The following GAPVD1 variants were observed in gnomAD, a reference collection of about 807,000 sequenced individuals.
GAPVD1 encodes the protein GTPase activating protein and VPS9 domains 1, also known as GTPase-activating protein and VPS9 domain-containing protein 1.
In GAPVD1, 35 loss-of-function variants were observed where a neutral mutation model predicts 155.5. The ratio of observed to expected loss-of-function variants is 0.23; its 90% confidence interval spans 0.17 to 0.30. The LOEUF is 0.30. Among genes scored for constraint, GAPVD1 ranks in the 10% least tolerant of loss-of-function variants. The pLI, the probability that GAPVD1 is intolerant of heterozygous loss-of-function variation, is 1.00. For missense variants in GAPVD1, 1,429 were observed against 1,775.7 expected (o/e 0.80, Z 3.51); for synonymous variants, 636 against 619.7 (o/e 1.03, Z -0.39).
chr9:125,345,179 CTT>C (rs763783005), intron 19 of GAPVD1, among the ~76,000 whole-genome samples: 4 of 143,852 alleles, frequency 2.8e-5, no homozygotes, highest in Admixed American at 7.0e-5. Context: ...TTCTCTCTCT[CTT>C]TTTTTTTTTT....
At chr9:125,349,716 TC>T (rs34277894) in intron 21 of GAPVD1, among the ~76,000 whole-genome samples, 197 bp downstream of exon 21, 1,731 of 152,208 alleles carry the variant, frequency 0.011, 28 homozygotes, top group African/African-American at 0.04. Flanking sequence ...TTTAAAAAAC[TC>T]GCTGGGCGTG....
chr9:125,287,984 C>CCTGT (rs1837983734), intron 2 of GAPVD1: 1 of 152,124 alleles, frequency 6.6e-6, no homozygotes, highest in Admixed American at 6.6e-5. Context: ...AAGTGATCCG[C>CCTGT]CTGTCTTGGC....
intron 14 of GAPVD1, 99 bp from the exon 15 acceptor site, chr9:125,332,411 C>A: frequency 1.0e-6 from 1 of 984,096 alleles, no homozygotes; most frequent in Non-Finnish European, 1.5e-6. Context: ...AACTGGGACA[C>A]AAAATTCGAG....
At chr9:125,321,340 A>T in intron 9 of GAPVD1, 93 bp from the exon 10 acceptor site, 1 of 821,390 alleles carries the variant, frequency 1.2e-6, no homozygotes, top group Non-Finnish European at 2.0e-6. Context: ...TTGATAATTT[A>T]AGATTAAGGA....
At chr9:125,263,647 G>T in intron 1 of GAPVD1, 1 of 1,047,402 alleles carries the variant, frequency 9.5e-7, no homozygotes, top group Non-Finnish European at 1.5e-6. Flanking sequence ...TGCTGACCCA[G>T]CCCCAGCCTC....
intron 2 of GAPVD1, among the ~76,000 whole-genome samples, chr9:125,275,836 G>A (rs775655712): frequency 1.4e-4 from 22 of 152,136 alleles, no homozygotes; most frequent in Non-Finnish European, 2.9e-4. Flanking sequence ...AAAAGTCAAG[G>A]TTTTTGAATT....
intron 23 of GAPVD1, among the ~76,000 whole-genome samples, chr9:125,354,337 G>A (rs905204479): frequency 6.6e-6 from 1 of 152,132 alleles, no homozygotes; most frequent in Non-Finnish European, 1.5e-5. Context: ...TATAGCTCCA[G>A]TATAAAATAC....
chr9:125,348,087 T>A (rs1481899619), intron 20 of GAPVD1, among the ~76,000 whole-genome samples: 1 of 152,142 alleles, frequency 6.6e-6, no homozygotes, highest in Admixed American at 6.5e-5. Flanking sequence ...AGTCTCACTA[T>A]GTCACCCAGG....
At chr9:125,309,988 A>G (rs1482806934) in intron 8 of GAPVD1, 4 of 466,858 alleles carry the variant, frequency 8.6e-6, no homozygotes, top group East Asian at 7.0e-5. Context: ...TACCTCTCAT[A>G]TTACAGTAGT....
chr9:125,329,518 G>A (rs779088887), intron 12 of GAPVD1, among the ~76,000 whole-genome samples: 1 of 152,184 alleles, frequency 6.6e-6, no homozygotes, highest in East Asian at 1.9e-4. Flanking sequence ...GAGGAAACTG[G>A]TGAAAAGGGT....
chr9:125,353,064 G>A (rs564701241), intron 23 of GAPVD1, among the ~76,000 whole-genome samples: 5 of 151,662 alleles, frequency 3.3e-5, no homozygotes, highest in South Asian at 2.1e-4. Flanking sequence ...CTGAGATCAC[G>A]CCACTGCACT....
chr9:125,354,771 A>C lies in GAPVD1; in HGVS notation c.3687A>C (p.Arg1229=), dbSNP rs764122371. 6.2e-7 allele frequency: 1 copy of C among 1,613,798 alleles called. No homozygotes were observed. Among genetic ancestry groups the C allele is most frequent in the African/African-American group, 1.3e-5 (1 of 74,938 alleles). ...RVLRDKEVAN[R]YFTTVCVRLL... is the part of the protein sequence containing the mutation. Reference sequence around the variant, plus strand: ...TGCGGGACAAAGAAGTGGCCAATCGATACTTTACCACTGTCTGTGTGAGAT... The same window carrying C: ...TGCGGGACAAAGAAGTGGCCAATCGCTACTTTACCACTGTCTGTGTGAGAT... Residue 1229 remains arginine, a synonymous_variant, in exon 24 of 28, where the codon CGA becomes CGC. Transcript: ENST00000297933.
At chr9:125,315,521 G>C (rs1843292349) in intron 9 of GAPVD1, among the ~76,000 whole-genome samples, 1 of 152,134 alleles carries the variant, frequency 6.6e-6, no homozygotes, top group Admixed American at 6.6e-5. Flanking sequence ...AAAGCAGCAT[G>C]GTTGTGTATT....
At chr9:125,324,884 C>T (rs988373325) in intron 11 of GAPVD1, among the ~76,000 whole-genome samples, 3 of 152,030 alleles carry the variant, frequency 2.0e-5, no homozygotes, top group Non-Finnish European at 4.4e-5. Context: ...AAGTGAGGTG[C>T]CTTAGGAAGA....
intron 23 of GAPVD1, among the ~76,000 whole-genome samples, chr9:125,351,771 G>A (rs894450981): frequency 6.7e-6 from 1 of 149,390 alleles, no homozygotes; most frequent in African/African-American, 2.5e-5. Flanking sequence ...ATGGAATTTC[G>A]CTCTTGTTGC....
At chr9:125,339,093 C>T (rs1374424318) in intron 17 of GAPVD1, among the ~76,000 whole-genome samples, 1 of 152,086 alleles carries the variant, frequency 6.6e-6, no homozygotes, top group African/African-American at 2.4e-5. Context: ...GCAATCCTCC[C>T]GCTTTGGCCT....
At chr9:125,306,214 A>G (rs1841773348) in intron 6 of GAPVD1, among the ~76,000 whole-genome samples, 2 of 151,712 alleles carry the variant, frequency 1.3e-5, no homozygotes, top group South Asian at 4.2e-4. Flanking sequence ...CCCAGGCTGG[A>G]GTGCAGTGGC....
chr9:125,350,401 G>A lies in GAPVD1; in HGVS notation c.3406G>A (p.Glu1136Lys). The A allele has an allele frequency of 6.3e-7, 1 of 1,585,050 alleles. No individual in the cohort carries two copies. The highest frequency in any genetic ancestry group is 8.7e-7 in the Non-Finnish European group (1 of 1,153,814). Residue 1136 changes from glutamate to lysine, a missense_variant, in exon 22 of 28, where the codon GAA becomes AAA. Glu to Lys is a moderately conservative substitution (Grantham distance 56). Coordinates refer to ENST00000297933, the MANE Select transcript of GAPVD1 (RefSeq NM_001282680.3). ...TGGTTTACCAGACCACACAGACCCA[G>A]AAGGTAAATTGCTGCAGGATCGTTT... is the stretch of plus-strand genomic sequence containing the variant. The part of the protein sequence containing the change: ...RNGLPDHTDP[E>K]DNEIVCFLKV...
At chr9:125,322,125 C>T (rs562895732) in intron 10 of GAPVD1, among the ~76,000 whole-genome samples, 1,630 of 151,814 alleles carry the variant, frequency 0.011, 12 homozygotes, top group Non-Finnish European at 0.017. Context: ...AGTGCAGTGT[C>T]GCAATCTCGG....
Sources: allele counts gnomAD v4.1 joint callset (sites outside exome capture counted in the v4.1 genomes callset), GRCh38; gene constraint gnomAD v4.1.1; transcripts MANE v1.5; gene names NCBI Gene and HGNC (gene_info 2026-07-23, HGNC 2026-07-21).